The following VPS13B variants were observed in gnomAD, a reference collection of about 807,000 sequenced individuals.
VPS13B encodes the protein vacuolar protein sorting 13 homolog B.
In VPS13B, 285 loss-of-function variants were observed where a neutral mutation model predicts 426.4. The observed-to-expected ratio is 0.67, with a 90% confidence interval of 0.61 to 0.74. VPS13B has a LOEUF of 0.74. Ranked by LOEUF, VPS13B falls within the 30% of genes least tolerant of loss-of-function variation. The pLI is 0.00. For missense variants in VPS13B, 4,537 were observed against 4,782.6 expected (o/e 0.95, Z 1.51); for synonymous variants, 1,676 against 1,676.4 (o/e 1.00, Z 0.01).
intron 16 of VPS13B, among the ~76,000 whole-genome samples, chr8:99,184,715 G>T (rs1370377100): frequency 4.6e-5 from 7 of 152,186 alleles, no homozygotes; most frequent in African/African-American, 1.7e-4. Context: ...AGCTGGCCAG[G>T]CATGGTGGCT....
intron 17 of VPS13B, chr8:99,209,565 AATT>A: frequency 7.5e-6 from 2 of 266,980 alleles, no homozygotes; most frequent in Admixed American, 4.4e-5. Flanking sequence ...TTTTAATAAC[AATT>A]TTTTTTTTTT....
At chr8:99,341,521 G>C (rs902502553) in intron 19 of VPS13B, 7 of 156,222 alleles carry the variant, frequency 4.5e-5, no homozygotes, top group African/African-American at 1.7e-4. Context: ...TCAACTGGGG[G>C]GCTTTTTTAG....
chr8:99,862,052 T>C, intron 58 of VPS13B, 106 bp downstream of exon 58: 2 of 1,355,442 alleles, frequency 1.5e-6, no homozygotes, highest in Non-Finnish European at 2.0e-6. Context: ...GACCAGGAAA[T>C]GCTCAGAGAA....
At chr8:99,138,810 A>G (rs1810223572) in intron 12 of VPS13B, among the ~76,000 whole-genome samples, 1 of 152,206 alleles carries the variant, frequency 6.6e-6, no homozygotes, top group African/African-American at 2.4e-5. Context: ...CTTGTTCAAT[A>G]TAATGTCTTA....
chr8:99,283,418 T>C (rs979425117), intron 19 of VPS13B, among the ~76,000 whole-genome samples: 1 of 152,208 alleles, frequency 6.6e-6, no homozygotes, highest in Non-Finnish European at 1.5e-5. Flanking sequence ...CAAAAAATCT[T>C]ATCCTCTTGA....
rs1588443653 is a variant in VPS13B, at chr8:99,502,967, G to A, written c.4157+17G>A. ...TAGAAGCAGGTAAATAATGAATAAT[G>A]AATATAAGAAAATCTGTATTTTTCT... On this transcript the variant is annotated intron_variant, in intron 27 of 61. Transcript: ENST00000357162. The A allele has an allele frequency of 6.5e-7, 1 of 1,533,052 alleles. No homozygotes were observed. The highest frequency in any genetic ancestry group is 9.0e-7 in the Non-Finnish European group (1 of 1,108,936). 95.0% of individuals were successfully genotyped at this position (1,533,052 alleles called of 1,614,324 possible). A position where few individuals can be genotyped will look rare whatever the true frequency, so the allele number is the denominator to read the frequency against.
intron 55 of VPS13B, among the ~76,000 whole-genome samples, chr8:99,851,646 A>T (rs1278642618): frequency 6.6e-6 from 1 of 152,126 alleles, no homozygotes; most frequent in Non-Finnish European, 1.5e-5. Flanking sequence ...CAGCCAGTTC[A>T]AAGGCCTGCA....
At chr8:99,550,675 A>G (rs1457592242) in intron 30 of VPS13B, among the ~76,000 whole-genome samples, 1 of 151,890 alleles carries the variant, frequency 6.6e-6, no homozygotes, top group East Asian at 1.9e-4. Flanking sequence ...TTTATTTGCT[A>G]AAACTAGTAT....
At chr8:99,296,434 A>G (rs1336997546) in intron 19 of VPS13B, among the ~76,000 whole-genome samples, 1 of 152,192 alleles carries the variant, frequency 6.6e-6, no homozygotes, top group Non-Finnish European at 1.5e-5. Flanking sequence ...CTTATTTCTA[A>G]TATTACTACA....
At chr8:99,361,639 C>G (rs1164034862) in intron 19 of VPS13B, among the ~76,000 whole-genome samples, 1 of 152,280 alleles carries the variant, frequency 6.6e-6, no homozygotes. Context: ...GCGCACAGGA[C>G]ACACTGAGTC....
chr8:99,462,262 T>C lies in VPS13B; in HGVS notation c.3446-5152T>C, dbSNP rs1245981337. Among the ~76,000 whole-genome samples the C allele has an allele frequency of 2.7e-5, 4 of 147,880 alleles. No individual in the cohort carries two copies. The East Asian group carries it at 6.5e-4, about 24-fold the overall frequency. ...GCTTATAAACTCTTTATTTTCTCCA[T>C]GGTGGCATGTAAGAATATCAAGATA... On this transcript the variant is annotated intron_variant, in intron 23 of 61. Coordinates refer to ENST00000357162, the MANE Select transcript of VPS13B (RefSeq NM_152564.5).
At chr8:99,444,184 C>T (rs1216540513) in intron 23 of VPS13B, among the ~76,000 whole-genome samples, 5 of 151,700 alleles carry the variant, frequency 3.3e-5, no homozygotes, top group East Asian at 1.9e-4. Context: ...CTGCAGCCTC[C>T]GCCTCCCAGG....
chr8:99,108,838 G>A (rs1295495841), intron 5 of VPS13B, among the ~76,000 whole-genome samples: 3 of 152,074 alleles, frequency 2.0e-5, no homozygotes, highest in Non-Finnish European at 4.4e-5. Flanking sequence ...TTTTGATAGG[G>A]ATTGCATTGA....
chr8:99,690,474 T>C (rs967368128), intron 35 of VPS13B, among the ~76,000 whole-genome samples: 41 of 152,168 alleles, frequency 2.7e-4, no homozygotes, highest in African/African-American at 9.9e-4. Context: ...AACTGTTTTG[T>C]GCTGCAAAAA....
At chr8:99,629,635 G>A (rs1371617284) in intron 33 of VPS13B, among the ~76,000 whole-genome samples, 1 of 152,154 alleles carries the variant, frequency 6.6e-6, no homozygotes, top group African/African-American at 2.4e-5. Context: ...ATAGGAAGGT[G>A]AATGTGAAGT....
At chr8:99,056,472 T>C (rs1450299833) in intron 3 of VPS13B, among the ~76,000 whole-genome samples, 4 of 152,222 alleles carry the variant, frequency 2.6e-5, no homozygotes, top group Non-Finnish European at 5.9e-5. Flanking sequence ...TCTGAAAATA[T>C]ATAGAGATAG....
At chr8:99,427,494 A>G (rs942155140) in intron 21 of VPS13B, among the ~76,000 whole-genome samples, 3 of 151,980 alleles carry the variant, frequency 2.0e-5, no homozygotes, top group African/African-American at 7.2e-5. Flanking sequence ...CACCAATAAC[A>G]GACAAACAGA....
chr8:99,429,816 C>T (rs754810462), intron 21 of VPS13B, among the ~76,000 whole-genome samples: 1 of 152,156 alleles, frequency 6.6e-6, no homozygotes, highest in Non-Finnish European at 1.5e-5. Context: ...ACATATTCAA[C>T]AATGTCATGA....
At chr8:99,342,518 T>C (rs1185243496) in intron 19 of VPS13B, among the ~76,000 whole-genome samples, 1 of 151,826 alleles carries the variant, frequency 6.6e-6, no homozygotes, top group East Asian at 1.9e-4. Context: ...CCTTGCTTAT[T>C]TCACTTAGTA....
Sources: gnomAD v4.1 joint callset for allele counts (sites outside exome capture counted in the v4.1 genomes callset) on GRCh38, gnomAD v4.1.1 for gene constraint, MANE v1.5 for transcripts, NCBI Gene and HGNC (gene_info 2026-07-23, HGNC 2026-07-21) for gene names.